Variants in UTRN observed in about 807,000 individuals in gnomAD.
UTRN encodes dystrophin-related protein 1.
In UTRN, 283 loss-of-function variants were observed where a neutral mutation model predicts 463.9. That is an observed-to-expected ratio of 0.61 (90% CI 0.55 to 0.67). The LOEUF (loss-of-function observed/expected upper bound fraction) is 0.67. Ranked by LOEUF, UTRN falls within the 30% of genes least tolerant of loss-of-function variation. The pLI, the probability that UTRN is intolerant of heterozygous loss-of-function variation, is 0.00. For missense variants in UTRN, 3,922 were observed against 4,084.3 expected, an observed-to-expected ratio of 0.96 and a Z score of 1.08; for synonymous variants, 1,442 against 1,431.5, an observed-to-expected ratio of 1.01 and a Z score of -0.17.
At chr6:144,478,183 C>G (rs147978445) in intron 25 of UTRN, among the ~76,000 whole-genome samples, 1 of 152,080 alleles carries the variant, frequency 6.6e-6, no homozygotes, top group Non-Finnish European at 1.5e-5. Flanking sequence ...TCTATTTCAT[C>G]TATTATATTC....
At chr6:144,799,641 C>A (rs1337840661) in intron 64 of UTRN, among the ~76,000 whole-genome samples, 7 of 152,106 alleles carry the variant, frequency 4.6e-5, no homozygotes, top group Non-Finnish European at 7.4e-5. Flanking sequence ...ATAATCACTG[C>A]TATTTATTGT....
chr6:144,847,852 G>A (rs919663553), intron 74 of UTRN, among the ~76,000 whole-genome samples: 1 of 152,162 alleles, frequency 6.6e-6, no homozygotes, highest in Non-Finnish European at 1.5e-5. Context: ...GTGAGTTAGG[G>A]ATCCTGAGAT....
chr6:144,656,139 T>C (rs1779286781), intron 51 of UTRN, among the ~76,000 whole-genome samples: 1 of 152,232 alleles, frequency 6.6e-6, no homozygotes. Context: ...CAGGGATTGG[T>C]AGTGTCAAGC....
At chr6:144,607,748 C>A (rs1029692959) in intron 51 of UTRN, among the ~76,000 whole-genome samples, 2 of 152,144 alleles carry the variant, frequency 1.3e-5, no homozygotes, top group African/African-American at 4.8e-5. Flanking sequence ...TTGGTAGTTT[C>A]TTGTCCAAAG....
Position 144,803,159 on chromosome 6 carries a change from C to A in UTRN, c.9357+12C>A, listed in dbSNP as rs59277223. 270,771 of 1,466,016 alleles carry A rather than the reference C, an allele frequency of 0.18. 26,168 individuals carry two copies. Among genetic ancestry groups the A allele is most frequent in the South Asian group, 0.28 (18,170 of 64,936 alleles). The allele number at this position is 1,466,016 out of a possible 1,614,324, so 90.8% of individuals were successfully genotyped here. Reference sequence around the variant, plus strand: ...AATATTGTATACCTGTGAGTACTAACCCACTGTTTTGTTTTTAATACATTG... The same window carrying A: ...AATATTGTATACCTGTGAGTACTAAACCACTGTTTTGTTTTTAATACATTG... On this transcript the variant is annotated intron_variant, in intron 65 of 74. Coordinates refer to ENST00000367545, the MANE Select transcript of UTRN (RefSeq NM_007124.3).
At chr6:144,746,536 G>T (rs1047547671) in intron 54 of UTRN, among the ~76,000 whole-genome samples, 2 of 151,930 alleles carry the variant, frequency 1.3e-5, no homozygotes, top group African/African-American at 4.8e-5. Flanking sequence ...CCAGGCAATG[G>T]CACTGTGTCG....
chr6:144,677,343 A>G (rs1310022700), intron 51 of UTRN, among the ~76,000 whole-genome samples: 1 of 151,816 alleles, frequency 6.6e-6, no homozygotes, highest in African/African-American at 2.4e-5. Flanking sequence ...TTCAGCTCCC[A>G]CTTATGAGTG....
At chr6:144,717,634 C>CTTTTTTTTTT (rs869170852) in intron 53 of UTRN, among the ~76,000 whole-genome samples, 10 of 70,116 alleles carry the variant, frequency 1.4e-4, no homozygotes, top group African/African-American at 2.5e-4. Flanking sequence ...TTTCTTTTTT[C>CTTTTTTTTTT]TTTTTTTTTT....
At chr6:144,703,119 T>C (rs1784753797) in intron 53 of UTRN, among the ~76,000 whole-genome samples, 1 of 152,022 alleles carries the variant, frequency 6.6e-6, no homozygotes, top group Admixed American at 6.6e-5. Context: ...CTGAAGACAT[T>C]TGGAAAGAAT....
rs80176455 is a variant in UTRN, at chr6:144,646,089, C to G, written c.7480-32317C>G. 2.0e-3 allele frequency among the ~76,000 whole-genome samples: 310 copies of G among 152,294 alleles called. 1 individual carries two copies. The highest frequency in any genetic ancestry group is 3.4e-3 in the Middle Eastern group (1 of 294). ...GTAACAAGGCCTAGGTCTACTCCTT[C>G]GATTTTACTGTATACTTACTTAACA... On this transcript the variant is annotated intron_variant, in intron 51 of 74. Coordinates refer to ENST00000367545, the MANE Select transcript of UTRN (RefSeq NM_007124.3).
At chr6:144,548,899 A>G (rs377667875) in intron 47 of UTRN, 45 bp downstream of exon 47, 219 of 1,590,134 alleles carry the variant, frequency 1.4e-4, no homozygotes, top group Non-Finnish European at 1.8e-4. Flanking sequence ...GCCACAACCC[A>G]GAGGTAGACC....
chr6:144,448,400 A>C (rs1442319498), intron 16 of UTRN, among the ~76,000 whole-genome samples, 200 bp from the exon 17 acceptor site: 1 of 152,062 alleles, frequency 6.6e-6, no homozygotes, highest in Non-Finnish European at 1.5e-5. Context: ...GGGAATGGGG[A>C]GTGTTGGTTT....
chr6:144,576,329 C>G (rs967128320), intron 50 of UTRN, among the ~76,000 whole-genome samples: 1 of 152,128 alleles, frequency 6.6e-6, no homozygotes, highest in South Asian at 2.1e-4. Context: ...TTATAGAGCT[C>G]TGAAGAATAT....
chr6:144,790,691 C>G (rs1776685570), intron 62 of UTRN, among the ~76,000 whole-genome samples: 1 of 152,146 alleles, frequency 6.6e-6, no homozygotes, highest in Non-Finnish European at 1.5e-5. Context: ...GAATCATAAT[C>G]ATGAAAAGAT....
chr6:144,690,824 G>A (rs1350557550), intron 52 of UTRN, among the ~76,000 whole-genome samples: 1 of 152,126 alleles, frequency 6.6e-6, no homozygotes, highest in Non-Finnish European at 1.5e-5. Flanking sequence ...CGGTGGGTGT[G>A]TATGTGCTGT....
intron 61 of UTRN, among the ~76,000 whole-genome samples, chr6:144,786,577 C>T (rs1326655829): frequency 5.9e-5 from 9 of 152,150 alleles, no homozygotes; most frequent in African/African-American, 2.2e-4. Flanking sequence ...AGCCACCGCG[C>T]CGGGCCTGAA....
At position 144,558,310 on chromosome 6, in the gene UTRN, T is replaced by A. The variant is rs1799566782; in HGVS notation, c.7289+999T>A. 2.6e-5 allele frequency among the ~76,000 whole-genome samples: 4 copies of A among 152,208 alleles called. No homozygotes were observed. In the South Asian group the frequency reaches 8.3e-4, roughly 32 times the overall value. On this transcript the variant is annotated intron_variant, in intron 50 of 74. Coordinates refer to ENST00000367545, the MANE Select transcript of UTRN (RefSeq NM_007124.3). ...AATGTGTTGTTAGATATACCTTGGA[T>A]ACTGGAGAAAATAAGACTGGGTTAG...
At chr6:144,568,045 G>T (rs918592575) in intron 50 of UTRN, among the ~76,000 whole-genome samples, 1 of 152,062 alleles carries the variant, frequency 6.6e-6, no homozygotes, top group African/African-American at 2.4e-5. Flanking sequence ...TGTCATAGCT[G>T]CTTTTATTAC....
intron 61 of UTRN, among the ~76,000 whole-genome samples, chr6:144,783,680 CT>C (rs1776056097): frequency 1.3e-5 from 2 of 152,164 alleles, no homozygotes; most frequent in African/African-American, 4.8e-5. Flanking sequence ...CTTATTCCCC[CT>C]ACCTATATGT....
Sources: gnomAD v4.1 joint callset for allele counts (sites outside exome capture counted in the v4.1 genomes callset) on GRCh38, gnomAD v4.1.1 for gene constraint, MANE v1.5 for transcripts, NCBI Gene and HGNC (gene_info 2026-07-23, HGNC 2026-07-21) for gene names.